Variants in CCDC146 observed in about 807,000 individuals in gnomAD.
CCDC146 encodes coiled-coil domain-containing protein 146.
A neutral mutation model predicts 119.3 loss-of-function variants in CCDC146; 92 were observed. The observed-to-expected ratio is 0.77, with a 90% CI of 0.65 to 0.92. The LOEUF (loss-of-function observed/expected upper bound fraction) is 0.92, where lower values mean the gene tolerates loss of function less well. CCDC146 is among the 40% of genes least tolerant of loss of function. The probability of loss-of-function intolerance (pLI) is 0.00; values close to 1 mark genes in which losing one functional copy is unlikely to be tolerated. For missense variants in CCDC146, 1,000 were observed against 1,103.0 expected (o/e 0.91, Z 1.32); for synonymous variants, 372 against 371.8 (o/e 1.00, Z -0.01).
chr7:77,198,755 C>G (rs1302546746), intron 2 of CCDC146: 1 of 190,556 alleles, frequency 5.2e-6, no homozygotes, highest in East Asian at 1.4e-4. Flanking sequence ...TCAAAGACCT[C>G]TTTAGCCATG....
At chr7:77,261,510 G>T (rs755642245) in intron 8 of CCDC146, among the ~76,000 whole-genome samples, 1 of 151,792 alleles carries the variant, frequency 6.6e-6, no homozygotes, top group South Asian at 2.1e-4. Context: ...TCGCTCTGTC[G>T]CCCAGGCCGG....
At chr7:77,151,269 A>G (rs187357713) in intron 1 of CCDC146, among the ~76,000 whole-genome samples, 40 of 152,224 alleles carry the variant, frequency 2.6e-4, no homozygotes, top group African/African-American at 9.2e-4. Context: ...ATTAAATTTT[A>G]GCATATGAAT....
chr7:77,205,401 T>C (rs949921587), intron 2 of CCDC146, among the ~76,000 whole-genome samples: 2 of 152,212 alleles, frequency 1.3e-5, no homozygotes, highest in Admixed American at 1.3e-4. Flanking sequence ...AGAACTATAA[T>C]TCAAACCTGA....
At chr7:77,130,181 C>T (rs534785830) in intron 1 of CCDC146, among the ~76,000 whole-genome samples, 1 of 152,180 alleles carries the variant, frequency 6.6e-6, no homozygotes, top group East Asian at 1.9e-4. Flanking sequence ...CAATTTTGTA[C>T]TAGTTTTGCT....
At chr7:77,238,219 G>A (rs531142078) in intron 3 of CCDC146, among the ~76,000 whole-genome samples, 7 of 152,134 alleles carry the variant, frequency 4.6e-5, no homozygotes, top group Admixed American at 1.3e-4. Context: ...CCATTCCCCC[G>A]TAGCTGGTCA....
intron 9 of CCDC146, among the ~76,000 whole-genome samples, chr7:77,263,609 G>C (rs1254331920): frequency 6.6e-6 from 1 of 152,250 alleles, no homozygotes; most frequent in Non-Finnish European, 1.5e-5. Context: ...CTTGCTGTCA[G>C]ATGGCACTTA....
intron 9 of CCDC146, among the ~76,000 whole-genome samples, chr7:77,264,896 A>G (rs1202656727): frequency 6.6e-6 from 1 of 152,228 alleles, no homozygotes; most frequent in Admixed American, 6.5e-5. Flanking sequence ...CCTGAAGATT[A>G]CAACAGTCAT....
Position 77,293,160 on chromosome 7 carries a change from A to G in CCDC146, c.2624A>G (p.Asp875Gly). ...AAAGAATGGTTGAAAGTCCTTCGAG[A>G]TGAAGAAATGCACGCCTTGGCCATC... ...IEKEWLKVLRDEEMHALAIAE... is the reference protein window; with the variant it reads ...IEKEWLKVLRGEEMHALAIAE... Residue 875 changes from aspartate to glycine, a missense_variant, in exon 18 of 19, where the codon GAT becomes GGT. Physicochemically the swap from Asp to Gly is moderately conservative, Grantham distance 94. Transcript: ENST00000285871. The G allele has an allele frequency of 5.6e-6, 9 of 1,614,114 alleles. No individual in the cohort carries two copies. The highest frequency in any genetic ancestry group is 7.6e-6 in the Non-Finnish European group (9 of 1,180,022).
intron 2 of CCDC146, among the ~76,000 whole-genome samples, chr7:77,188,605 A>G (rs1791708454): frequency 6.6e-6 from 1 of 152,026 alleles, no homozygotes; most frequent in Non-Finnish European, 1.5e-5. Flanking sequence ...CCACTCTCCT[A>G]AGGTGGTATC....
intron 15 of CCDC146, among the ~76,000 whole-genome samples, chr7:77,285,053 G>A (rs781186220): frequency 6.0e-5 from 9 of 150,132 alleles, no homozygotes; most frequent in Non-Finnish European, 1.3e-4. Context: ...CATTTTTTTC[G>A]GTCGTCCATA....
intron 13 of CCDC146, 92 bp downstream of exon 13, chr7:77,279,193 G>T (rs578245541): frequency 1.4e-6 from 2 of 1,379,836 alleles, no homozygotes; most frequent in South Asian, 2.7e-5. Context: ...ATAGGAAAGA[G>T]GCAGAGGCTG....
At position 77,274,623 on chromosome 7, in the gene CCDC146, C is replaced by G. The variant is rs760762931; in HGVS notation, c.1411C>G (p.Gln471Glu). The change falls in exon 11 of 19, where the codon CAA becomes GAA. Residue 471 changes from glutamine to glutamate, a missense_variant. Physicochemically the swap from Gln to Glu is conservative, Grantham distance 29. Transcript: ENST00000285871. The part of the protein sequence containing the change: ...MTQIKIDEKE[Q>E]KSKDFLKAQQ... ...TCAAATCAAAATTGATGAAAAGGAA[C>G]AAAAGTCCAAGGATTTCCTGAAAGC... 4 of 1,610,066 alleles carry G rather than the reference C, an allele frequency of 2.5e-6. No homozygotes were observed. The South Asian group carries it at 4.4e-5, about 18-fold the overall frequency.
rs557580080 is a variant in CCDC146, at chr7:77,123,403, GGTGTGTGTGTGTGTGTGTGT to G, written c.-12+706_-12+725del. On this transcript the variant is annotated intron_variant, in intron 1 of 18. Transcript: ENST00000285871. ...AAGATGGTTCTAAATGACCCTATAA[GGTGTGTGTGTGTGTGTGTGT>G]GTGTGTGTGTGTGTGTGTGTGTGTG... Among the ~76,000 whole-genome samples, 306 of 125,224 alleles carry G rather than the reference GGTGTGTGTGTGTGTGTGTGT, an allele frequency of 2.4e-3. 1 individual carries two copies. Among genetic ancestry groups the G allele is most frequent in the African/African-American group, 8.2e-3 (272 of 33,066 alleles). The allele number at this position is 125,224 out of a possible 152,430, so 82.2% of individuals were successfully genotyped here. A position where few individuals can be genotyped will look rare whatever the true frequency, so the allele number is the denominator to read the frequency against.
At chr7:77,233,680 G>T (rs1335463387) in intron 2 of CCDC146, among the ~76,000 whole-genome samples, 5 of 152,112 alleles carry the variant, frequency 3.3e-5, no homozygotes, top group African/African-American at 4.8e-5. Flanking sequence ...TTCACAATGG[G>T]GTTTATGCTC....
intron 2 of CCDC146, among the ~76,000 whole-genome samples, chr7:77,234,050 A>C (rs1792687182): frequency 1.3e-5 from 2 of 152,128 alleles, no homozygotes; most frequent in Admixed American, 1.3e-4. Flanking sequence ...ACTAAATACT[A>C]TCTGTTTTTT....
intron 13 of CCDC146, 128 bp downstream of exon 13, chr7:77,279,229 C>T: frequency 1.3e-6 from 1 of 748,418 alleles, no homozygotes; most frequent in Non-Finnish European, 2.1e-6. Flanking sequence ...GTGCCACTGC[C>T]CTCCAGCCTG....
intron 14 of CCDC146, 24 bp from the exon 15 acceptor site, chr7:77,282,533 C>G (rs777295606): frequency 6.5e-7 from 1 of 1,547,070 alleles, no homozygotes; most frequent in African/African-American, 1.4e-5. Flanking sequence ...CCCACTTAGC[C>G]TCTGCCTCTG....
intron 2 of CCDC146, among the ~76,000 whole-genome samples, chr7:77,190,097 C>T (rs938568541): frequency 7.2e-5 from 11 of 152,268 alleles, no homozygotes; most frequent in Non-Finnish European, 1.2e-4. Context: ...AGTGAATACT[C>T]GATGAATGAA....
rs56778241 is a variant in CCDC146, at chr7:77,279,166, A to T, written c.1694+65A>T. 10,690 of 1,547,828 alleles carry T rather than the reference A, an allele frequency of 6.9e-3. 629 individuals carry two copies. In the African/African-American group the frequency reaches 0.13, roughly 18 times the overall value. ...TTTCTGATTCATTTGAACTCTAAAA[A>T]TCCTGGGGATAAGAAGATAGGAAAG... is the stretch of plus-strand genomic sequence containing the variant. On this transcript the variant is annotated intron_variant, in intron 13 of 18. Transcript: ENST00000285871.
Sources: allele counts gnomAD v4.1 joint callset (sites outside exome capture counted in the v4.1 genomes callset), GRCh38; gene constraint gnomAD v4.1.1; transcripts MANE v1.5; gene names NCBI Gene and HGNC (gene_info 2026-07-23, HGNC 2026-07-21).